Variants in OCA2 observed in about 807,000 individuals in gnomAD.
OCA2 encodes the protein P protein.
In OCA2, 77 loss-of-function variants were observed where a neutral mutation model predicts 100.2. The observed-to-expected ratio is 0.77, with a 90% CI of 0.64 to 0.93. OCA2 has a LOEUF of 0.93. Among genes scored for constraint, OCA2 ranks in the 40% least tolerant of loss-of-function variants. OCA2 has a pLI of 0.00. For synonymous variants in OCA2, 432 were observed against 439.2 expected (o/e 0.98, Z 0.21); for missense variants, 1,062 against 1,089.1 (o/e 0.98, Z 0.35).
intron 19 of OCA2, chr15:27,895,856 A>C (rs1162731032): frequency 1.8e-6 from 1 of 548,546 alleles, no homozygotes; most frequent in African/African-American, 1.9e-5. Context: ...ATACAGGATG[A>C]TAGTTTGTGT....
At chr15:27,735,816 G>A in the OCA2 span, among the ~76,000 whole-genome samples, 1 of 152,166 alleles carries the variant, frequency 6.6e-6, no homozygotes, top group African/African-American at 2.4e-5. Context: ...AGAAATAGAG[G>A]TGAGGTGAGA....
At chr15:27,831,844 T>C (rs998790889) in intron 23 of OCA2, among the ~76,000 whole-genome samples, 3 of 152,134 alleles carry the variant, frequency 2.0e-5, no homozygotes, top group African/African-American at 4.8e-5. Context: ...CCAAGCGAAT[T>C]TGATTGAGGC....
At chr15:27,979,494 G>T (rs1371289444) in intron 14 of OCA2, among the ~76,000 whole-genome samples, 1 of 151,882 alleles carries the variant, frequency 6.6e-6, no homozygotes, top group East Asian at 1.9e-4. Context: ...CCATTTCTTT[G>T]CTTCCTTTTG....
At chr15:28,097,743 C>G (rs1394226871) in intron 1 of OCA2, among the ~76,000 whole-genome samples, 1 of 152,138 alleles carries the variant, frequency 6.6e-6, no homozygotes, top group African/African-American at 2.4e-5. Context: ...TCCCAGGGGC[C>G]CACTGATCCC....
chr15:27,978,901 G>T (rs967751878), intron 14 of OCA2, among the ~76,000 whole-genome samples: 1 of 152,150 alleles, frequency 6.6e-6, no homozygotes, highest in African/African-American at 2.4e-5. Flanking sequence ...TAGCCAGGAT[G>T]GTCTTGAACT....
intron 23 of OCA2, among the ~76,000 whole-genome samples, chr15:27,790,744 A>G (rs2033040809): frequency 2.0e-5 from 3 of 152,036 alleles, no homozygotes; most frequent in Admixed American, 1.3e-4. Flanking sequence ...TACACCTCAA[A>G]TGGTAAAATT....
At chr15:27,909,711 A>G (rs1263672339) in intron 19 of OCA2, among the ~76,000 whole-genome samples, 1 of 152,204 alleles carries the variant, frequency 6.6e-6, no homozygotes, top group Non-Finnish European at 1.5e-5. Context: ...AAAATAAAAT[A>G]AAATTAGATT....
At chr15:27,994,606 A>T (rs1023890703) in intron 9 of OCA2, among the ~76,000 whole-genome samples, 9 of 152,334 alleles carry the variant, frequency 5.9e-5, no homozygotes, top group Admixed American at 5.2e-4. Flanking sequence ...CTTTGGCAAG[A>T]GTCCAGCTGT....
At chr15:27,986,456 A>T (rs2041354539) in intron 12 of OCA2, 131 bp downstream of exon 12, 1 of 710,016 alleles carries the variant, frequency 1.4e-6, no homozygotes, top group Admixed American at 2.3e-5. Context: ...GCCCTGCAGA[A>T]GCAACCTTTA....
At chr15:27,738,478 G>C in the OCA2 span, among the ~76,000 whole-genome samples, 1 of 152,182 alleles carries the variant, frequency 6.6e-6, no homozygotes, top group Non-Finnish European at 1.5e-5. Flanking sequence ...GCTCATGCCT[G>C]TAATCCCAGC....
At chr15:27,942,700 C>A (rs2039693117) in intron 18 of OCA2, among the ~76,000 whole-genome samples, 1 of 152,120 alleles carries the variant, frequency 6.6e-6, no homozygotes, top group South Asian at 2.1e-4. Flanking sequence ...AAAACTGAGT[C>A]ATTCTCTCTC....
chr15:27,849,748 C>T (rs1052991467), intron 22 of OCA2, among the ~76,000 whole-genome samples: 18 of 152,066 alleles, frequency 1.2e-4, no homozygotes, highest in Admixed American at 5.9e-4. Context: ...GTGACGGCTG[C>T]GCAACGCTGT....
intron 19 of OCA2, among the ~76,000 whole-genome samples, chr15:27,894,526 G>C (rs2037604601): frequency 1.3e-5 from 2 of 152,214 alleles, no homozygotes; most frequent in South Asian, 4.1e-4. Flanking sequence ...ATGTCTCTAA[G>C]CTAAACCTGG....
chr15:27,957,709 G>A lies in OCA2; in HGVS notation c.1663C>T (p.Arg555Cys), dbSNP rs141611162. The change falls in exon 16 of 24, where the codon CGC becomes TGC. Residue 555 changes from arginine to cysteine, a missense_variant. Arg to Cys is a radical substitution (Grantham distance 180). Transcript: ENST00000354638. This position sits in a 1 kb window ranked among gnomAD's most constrained non-coding sequence, Gnocchi z 4.3. ...VELKHEIHVW[R>C]LTAQRISPAS... Reference sequence around the variant, plus strand: ...GGGCTGATGCGCTGAGCAGTCAGGCGCCAGACGTGAATCTCGTGCTTCAGT... The same window carrying A: ...GGGCTGATGCGCTGAGCAGTCAGGCACCAGACGTGAATCTCGTGCTTCAGT... 97 of 1,613,114 alleles carry A rather than the reference G, an allele frequency of 6.0e-5. No homozygotes were observed. The African/African-American group carries it at 9.5e-4, about 16-fold the overall frequency.
intron 2 of OCA2, among the ~76,000 whole-genome samples, chr15:28,045,919 C>T (rs2043333895): frequency 6.6e-6 from 1 of 152,192 alleles, no homozygotes; most frequent in East Asian, 1.9e-4. Flanking sequence ...TACCAAAACC[C>T]TCAGTCTTGA....
chr15:27,814,003 T>C (rs2034181056), intron 23 of OCA2, among the ~76,000 whole-genome samples: 1 of 152,228 alleles, frequency 6.6e-6, no homozygotes, highest in Admixed American at 6.5e-5. Context: ...GTAATTGGAA[T>C]ACCCATCACC....
chr15:27,745,617 T>C, the OCA2 span, among the ~76,000 whole-genome samples: 1 of 152,220 alleles, frequency 6.6e-6, no homozygotes, highest in Non-Finnish European at 1.5e-5. Flanking sequence ...GAAATGGCCC[T>C]GCAATGCTTT....
the OCA2 span, among the ~76,000 whole-genome samples, chr15:27,741,154 A>G: frequency 6.6e-6 from 1 of 152,216 alleles, no homozygotes; most frequent in African/African-American, 2.4e-5. Flanking sequence ...TCTCTGTCTT[A>G]GATCATGAAA....
chr15:27,992,290 G>A (rs1354792537), intron 9 of OCA2, among the ~76,000 whole-genome samples: 3 of 152,074 alleles, frequency 2.0e-5, no homozygotes, highest in South Asian at 2.1e-4. Context: ...TAGTAGAGAC[G>A]GGGTTTCACC....
Sources: gnomAD v4.1 joint callset for allele counts (sites outside exome capture counted in the v4.1 genomes callset) on GRCh38, gnomAD v4.1.1 for gene constraint, Gnocchi (gnomAD v3.1) non-coding constraint, MANE v1.5 for transcripts, NCBI Gene and HGNC (gene_info 2026-07-23, HGNC 2026-07-21) for gene names.